Variants in PACRG observed in about 807,000 individuals in gnomAD.
PACRG encodes parkin coregulated, also known as parkin coregulated gene protein.
Under a neutral mutation model 29.7 loss-of-function variants are expected in PACRG, and 29 were observed. The ratio of observed to expected loss-of-function variants is 0.98; its 90% confidence interval spans 0.73 to 1.33. The LOEUF is 1.33. Ranked by LOEUF, PACRG falls within the 40% of genes most tolerant of loss-of-function variation. The pLI is 0.00. For missense variants in PACRG, 279 were observed against 316.2 expected (o/e 0.88, Z 0.89); for synonymous variants, 116 against 118.7 (o/e 0.98, Z 0.15).
chr6:162,892,359 CGTT>C (rs1246585315), intron 2 of PACRG, among the ~76,000 whole-genome samples: 1 of 152,174 alleles, frequency 6.6e-6, no homozygotes, highest in Non-Finnish European at 1.5e-5. Flanking sequence ...GACTAAGACA[CGTT>C]GTTCACTGAA....
intron 3 of PACRG, among the ~76,000 whole-genome samples, chr6:163,067,528 G>A (rs1023774999): frequency 5.9e-5 from 9 of 152,184 alleles, no homozygotes; most frequent in Non-Finnish European, 1.3e-4. Flanking sequence ...TGAGGTACAA[G>A]TGAAAGAAAA....
chr6:162,939,333 A>G (rs1798454368), intron 2 of PACRG, among the ~76,000 whole-genome samples: 1 of 152,176 alleles, frequency 6.6e-6, no homozygotes, highest in Non-Finnish European at 1.5e-5. Flanking sequence ...CCCTTCTGAC[A>G]TTGACCTAAG....
chr6:162,813,205 CTA>C (rs1413515711), intron 1 of PACRG, among the ~76,000 whole-genome samples: 3 of 151,394 alleles, frequency 2.0e-5, no homozygotes, highest in African/African-American at 4.8e-5. Flanking sequence ...TATAAAATAA[CTA>C]AAAATATTAG....
At chr6:163,156,889 G>T (rs12197662) in intron 4 of PACRG, among the ~76,000 whole-genome samples, 48,788 of 151,958 alleles carry the variant, frequency 0.32, 8,171 homozygotes, top group African/African-American at 0.4. Context: ...GCCTCACTCT[G>T]CCAGTTTAAG....
At chr6:162,806,775 A>G (rs1786373755) in intron 1 of PACRG, among the ~76,000 whole-genome samples, 1 of 152,184 alleles carries the variant, frequency 6.6e-6, no homozygotes, top group African/African-American at 2.4e-5. Context: ...ACTGGCTTCA[A>G]CTTAGAGTCA....
At chr6:163,179,209 C>A in intron 4 of PACRG, 1 of 455,938 alleles carries the variant, frequency 2.2e-6, no homozygotes, top group Non-Finnish European at 4.4e-6. Flanking sequence ...TGCGTCTTAT[C>A]TTGGAGGCTG....
intron 4 of PACRG, among the ~76,000 whole-genome samples, chr6:163,143,890 G>C (rs564412315): frequency 2.6e-5 from 4 of 152,274 alleles, no homozygotes; most frequent in Admixed American, 2.6e-4. Flanking sequence ...AGTTTGAGTT[G>C]AATGATGTTT....
chr6:163,308,120 T>C (rs13219488), intron 4 of PACRG, among the ~76,000 whole-genome samples: 12,306 of 152,270 alleles, frequency 0.081, 547 homozygotes, highest in Non-Finnish European at 0.099. Flanking sequence ...TACCTGTAGC[T>C]TTCCTTTTCC....
intron 4 of PACRG, among the ~76,000 whole-genome samples, chr6:163,306,984 G>C (rs927854478): frequency 2.6e-5 from 4 of 152,196 alleles, no homozygotes; most frequent in African/African-American, 9.7e-5. Flanking sequence ...TTATTGAATA[G>C]TATAGCTACT....
intron 2 of PACRG, among the ~76,000 whole-genome samples, chr6:163,056,759 G>A (rs1810625526): frequency 6.6e-6 from 1 of 152,178 alleles, no homozygotes; most frequent in African/African-American, 2.4e-5. Flanking sequence ...AGGTTAATCA[G>A]AAGCCAACAT....
chr6:162,942,613 C>T (rs1212837092), intron 2 of PACRG, among the ~76,000 whole-genome samples: 1 of 152,100 alleles, frequency 6.6e-6, no homozygotes, highest in East Asian at 1.9e-4. Flanking sequence ...GACGGAAACT[C>T]TTCACATTTT....
At chr6:162,727,633 G>C, upstream of PACRG, 1 of 1,581,502 alleles carries the variant, frequency 6.3e-7, no homozygotes, top group Non-Finnish European at 8.6e-7. Flanking sequence ...GCGGCGCAGA[G>C]AGGCTGTACC....
intron 4 of PACRG, among the ~76,000 whole-genome samples, chr6:163,171,643 C>A (rs1423105158): frequency 6.6e-6 from 1 of 152,232 alleles, no homozygotes; most frequent in Non-Finnish European, 1.5e-5. Context: ...CTTTTCCCCC[C>A]AGTTTCTCAT....
chr6:162,828,956 T>G (rs996728199), intron 2 of PACRG, among the ~76,000 whole-genome samples: 2 of 152,210 alleles, frequency 1.3e-5, no homozygotes, highest in African/African-American at 4.8e-5. Context: ...ACTAAAACCC[T>G]AATTGAGGAA....
At chr6:163,274,305 G>A (rs1319338549) in intron 4 of PACRG, among the ~76,000 whole-genome samples, 1 of 152,162 alleles carries the variant, frequency 6.6e-6, no homozygotes, top group Non-Finnish European at 1.5e-5. Flanking sequence ...CCTTGCGATA[G>A]TTTGCTGAGA....
upstream of PACRG, chr6:162,727,521 G>T: frequency 1.1e-6 from 1 of 933,332 alleles, no homozygotes. Flanking sequence ...GCCCGGCGGC[G>T]CGGGCCGGGG....
rs1026611119 is a variant in PACRG, at chr6:162,895,084, G to A, written c.291+80803G>A. Among the ~76,000 whole-genome samples the A allele has an allele frequency of 5.3e-5, 8 of 151,164 alleles. No individual in the cohort carries two copies. In the South Asian group the frequency reaches 1.3e-3, roughly 24 times the overall value. On this transcript the variant is annotated intron_variant, in intron 2 of 4. Transcript: ENST00000366888. ...TTCACCTGCCTGGGCAACATGGTGA[G>A]ATCCCCGTCTCTACCCCCCCGCCCC... is the stretch of plus-strand genomic sequence containing the variant.
intron 2 of PACRG, among the ~76,000 whole-genome samples, chr6:163,058,594 C>T (rs1810803249): frequency 1.3e-5 from 2 of 151,988 alleles, no homozygotes; most frequent in South Asian, 4.2e-4. Flanking sequence ...AAAATCTCTA[C>T]TTAAAAAAAT....
chr6:163,165,322 G>C (rs1219157565), intron 4 of PACRG: 1 of 152,750 alleles, frequency 6.5e-6, no homozygotes, highest in South Asian at 2.1e-4. Context: ...GGTGGAGCCA[G>C]CGTGGGGCAG....
Sources: allele counts gnomAD v4.1 joint callset (sites outside exome capture counted in the v4.1 genomes callset), GRCh38; gene constraint gnomAD v4.1.1; transcripts MANE v1.5; gene names NCBI Gene and HGNC (gene_info 2026-07-23, HGNC 2026-07-21).